NCAM2: variants seen among roughly 807,000 people sequenced by gnomAD.
NCAM2 encodes N-CAM-2.
NCAM2 carries 30 observed loss-of-function variants against 98.1 expected under a neutral mutation model. That is an observed-to-expected ratio of 0.31 (90% confidence interval 0.23 to 0.41). The LOEUF (loss-of-function observed/expected upper bound fraction) is 0.41, where lower values mean the gene tolerates loss of function less well. NCAM2 is among the 10% of genes least tolerant of loss of function. The pLI, the probability that NCAM2 is intolerant of heterozygous loss-of-function variation, is 1.00. For missense variants in NCAM2, 867 were observed against 1,005.8 expected (o/e 0.86, Z 1.87); for synonymous variants, 368 against 342.4 (o/e 1.07, Z -0.83).
intron 1 of NCAM2, among the ~76,000 whole-genome samples, chr21:21,010,790 AT>A (rs1297638688): frequency 6.6e-6 from 1 of 152,104 alleles, no homozygotes; most frequent in East Asian, 1.9e-4. Context: ...ATAAATCTTT[AT>A]AAGTGTAAAG....
chr21:21,003,107 C>T (rs2064049471), intron 1 of NCAM2, among the ~76,000 whole-genome samples: 1 of 152,004 alleles, frequency 6.6e-6, no homozygotes, highest in South Asian at 2.1e-4. Context: ...AATAAGAGTA[C>T]TAATCACAAA....
intron 6 of NCAM2, among the ~76,000 whole-genome samples, chr21:21,329,027 T>G (rs1231877106): frequency 1.3e-5 from 2 of 151,090 alleles, no homozygotes; most frequent in African/African-American, 2.4e-5. Context: ...CAATCTCGGC[T>G]CACTGCAACT....
intron 1 of NCAM2, among the ~76,000 whole-genome samples, chr21:21,155,663 G>C (rs915557572): frequency 1.3e-5 from 2 of 151,842 alleles, no homozygotes; most frequent in East Asian, 3.9e-4. Flanking sequence ...TCTTTAAATT[G>C]ATAATGTAAT....
intron 9 of NCAM2, among the ~76,000 whole-genome samples, chr21:21,398,496 G>T (rs780039418): frequency 1.3e-5 from 2 of 152,190 alleles, no homozygotes; most frequent in Admixed American, 6.5e-5. Context: ...GCACAAAAGA[G>T]TTCGGGATGA....
chr21:21,034,012 A>C (rs2146234093), intron 1 of NCAM2, among the ~76,000 whole-genome samples: 1 of 148,866 alleles, frequency 6.7e-6, no homozygotes, highest in South Asian at 2.2e-4. Flanking sequence ...GTACCTTTGG[A>C]GAGATTTAGG....
rs1160742114 is a variant in NCAM2 at position 21,472,762 on chromosome 21, T to G, written c.1896+3979T>G. ...AAGGTAATGAATAGGAAAATTAGAT[T>G]TATTTTGCCTTAAGTACTATGTGGG... On this transcript the variant is annotated intron_variant, in intron 14 of 17. Coordinates refer to ENST00000400546, the MANE Select transcript of NCAM2 (RefSeq NM_004540.5). Among the ~76,000 whole-genome samples the G allele has an allele frequency of 5.3e-5, 8 of 151,976 alleles. No homozygotes were observed. In the East Asian group the frequency reaches 1.5e-3, roughly 29 times the overall value.
intron 1 of NCAM2, among the ~76,000 whole-genome samples, chr21:21,078,621 A>T (rs2065729089): frequency 6.6e-6 from 1 of 152,210 alleles, no homozygotes; most frequent in South Asian, 2.1e-4. Flanking sequence ...TGTGGAAGAC[A>T]GTGTGGTGAT....
intron 5 of NCAM2, among the ~76,000 whole-genome samples, chr21:21,323,373 C>T (rs1305795054): frequency 6.6e-6 from 1 of 152,120 alleles, no homozygotes; most frequent in East Asian, 1.9e-4. Context: ...CATACCAGTT[C>T]TTATCTCTAC....
intron 8 of NCAM2, among the ~76,000 whole-genome samples, chr21:21,360,632 A>G (rs546051852): frequency 1.9e-4 from 29 of 151,922 alleles, no homozygotes; most frequent in South Asian, 6.2e-4. Context: ...TCACCAACTT[A>G]TATTTTACTG....
intron 12 of NCAM2, among the ~76,000 whole-genome samples, chr21:21,464,477 G>C (rs192410884): frequency 1.3e-5 from 2 of 151,992 alleles, no homozygotes; most frequent in African/African-American, 2.4e-5. Flanking sequence ...TTAAACTCTT[G>C]TTAAAGGAGT....
rs528425434 is a variant in NCAM2 at position 21,070,269 on chromosome 21, A to G, written c.55+71651A>G. On this transcript the variant is annotated intron_variant, in intron 1 of 17. Transcript: ENST00000400546. Reference sequence around the variant, plus strand: ...ATAACCTGATATATGTACATAGTGTATATATATATATATATATAATCTAAT... The same window carrying G: ...ATAACCTGATATATGTACATAGTGTGTATATATATATATATATAATCTAAT... 1.2e-3 allele frequency among the ~76,000 whole-genome samples: 122 copies of G among 98,254 alleles called. 1 individual carries two copies. The highest frequency in any genetic ancestry group is 1.3e-3 in the Non-Finnish European group (58 of 43,316). 64.5% of individuals were successfully genotyped at this position (98,254 alleles called of 152,430 possible).
chr21:21,489,502 T>C (rs551195561), intron 15 of NCAM2, among the ~76,000 whole-genome samples: 1 of 151,822 alleles, frequency 6.6e-6, no homozygotes, highest in Non-Finnish European at 1.5e-5. Flanking sequence ...CATGAATGAA[T>C]GGAATATATT....
chr21:21,169,298 G>C (rs543192795), intron 1 of NCAM2, among the ~76,000 whole-genome samples: 1 of 151,792 alleles, frequency 6.6e-6, no homozygotes, highest in South Asian at 2.1e-4. Flanking sequence ...AAAATGGATC[G>C]ATCGTAGCCC....
At position 21,373,852 on chromosome 21, in the gene NCAM2, G is replaced by T. The variant is rs779111551; in HGVS notation, c.1045-11G>T. 4 of 1,592,370 alleles carry T rather than the reference G, an allele frequency of 2.5e-6. No individual in the cohort carries two copies. The highest frequency in any genetic ancestry group is 1.7e-4 in the Middle Eastern group (1 of 5,898). On this transcript the variant is annotated splice_polypyrimidine_tract_variant and intron_variant, in intron 8 of 17. Transcript: ENST00000400546. ...ATAAAATCTTTCTTTTTCCTGAATC[G>T]ATGTAAACAGAGCCTGGACGGCCGT...
At chr21:21,126,872 TAAA>T (rs1235850692) in intron 1 of NCAM2, among the ~76,000 whole-genome samples, 1 of 151,984 alleles carries the variant, frequency 6.6e-6, no homozygotes, top group Non-Finnish European at 1.5e-5. Context: ...TTTTGTAAGT[TAAA>T]AAACGTTGAT....
chr21:21,494,396 TG>T (rs1296258572), intron 15 of NCAM2, among the ~76,000 whole-genome samples: 1 of 151,508 alleles, frequency 6.6e-6, no homozygotes, highest in African/African-American at 2.4e-5. Flanking sequence ...ATTGGTCAGG[TG>T]GGGGCTTAAA....
At chr21:21,385,672 G>T (rs2148116699) in intron 9 of NCAM2, 2 of 1,285,220 alleles carry the variant, frequency 1.6e-6, no homozygotes, top group East Asian at 1.1e-4. Context: ...TTACTAAGAA[G>T]CAGGAATTGA....
intron 5 of NCAM2, among the ~76,000 whole-genome samples, chr21:21,312,266 A>G (rs1373994103): frequency 1.3e-5 from 2 of 151,688 alleles, no homozygotes; most frequent in Middle Eastern, 3.2e-3. Flanking sequence ...TTATTACATG[A>G]TTTTTTCTTT....
intron 1 of NCAM2, among the ~76,000 whole-genome samples, chr21:21,130,624 T>G (rs955976239): frequency 1.3e-5 from 2 of 152,156 alleles, no homozygotes; most frequent in African/African-American, 4.8e-5. Flanking sequence ...TATATTAACT[T>G]AATTTGACAT....
Sources: gnomAD v4.1 joint callset for allele counts (sites outside exome capture counted in the v4.1 genomes callset) on GRCh38, gnomAD v4.1.1 for gene constraint, MANE v1.5 for transcripts, NCBI Gene and HGNC (gene_info 2026-07-23, HGNC 2026-07-21) for gene names.